SLC6A19: variants seen among roughly 807,000 people sequenced by gnomAD.
SLC6A19 encodes the protein sodium-dependent neutral amino acid transporter B(0)AT1.
Under a neutral mutation model 68.3 loss-of-function variants are expected in SLC6A19, and 67 were observed. That is an observed-to-expected ratio of 0.98 (90% CI 0.81 to 1.20). The LOEUF is 1.20. Ranked by LOEUF, SLC6A19 falls within the 50% of genes most tolerant of loss-of-function variation. SLC6A19 has a pLI of 0.00. For missense variants in SLC6A19, 813 were observed against 851.6 expected (o/e 0.95, Z 0.56); for synonymous variants, 392 against 374.9 (o/e 1.05, Z -0.53).
In SLC6A19 at chr5:1,209,725, T is replaced by C. The variant is rs935601746; in HGVS notation, c.344-719T>C. Among the ~76,000 whole-genome samples, 50 of 151,234 alleles carry C rather than the reference T, an allele frequency of 3.3e-4. No homozygotes were observed. The highest frequency in any genetic ancestry group is 1.1e-3 in the African/African-American group (45 of 41,206). On this transcript the variant is annotated intron_variant, in intron 2 of 11. Transcript: ENST00000304460. The surrounding 1 kb of genome is among the most constrained non-coding windows in gnomAD (Gnocchi z 5.5). The stretch of plus-strand genomic sequence containing the variant: ...CTCTCCCTCTCAGTCTCTGTCTTTT[T>C]TTCTTTCCCCCTCCTATTCTCTCTG...
At chr5:1,207,993 G>A (rs1745903458) in intron 1 of SLC6A19, among the ~76,000 whole-genome samples, 1 of 152,212 alleles carries the variant, frequency 6.6e-6, no homozygotes, top group African/African-American at 2.4e-5. Flanking sequence ...CACAGCAGAA[G>A]CAGAAATGTC....
chr5:1,213,388 G>A (rs1422591685), intron 4 of SLC6A19, 75 bp from the exon 5 acceptor site: 3 of 53,996 alleles, frequency 5.6e-5, no homozygotes, highest in East Asian at 2.7e-3. Context: ...CATATGCCCC[G>A]CCCCCACGTG....
chr5:1,207,722 G>A (rs543761710), intron 1 of SLC6A19, among the ~76,000 whole-genome samples: 4 of 152,270 alleles, frequency 2.6e-5, no homozygotes, highest in South Asian at 2.1e-4. Flanking sequence ...AACACTAAAC[G>A]TGGCCCTCGG....
intron 5 of SLC6A19, 110 bp from the exon 6 acceptor site, chr5:1,213,843 C>T: frequency 6.4e-7 from 1 of 1,564,516 alleles, no homozygotes; most frequent in Non-Finnish European, 8.7e-7. Flanking sequence ...CTGGCCTGTC[C>T]TGACCACCCC....
chr5:1,213,104 G>A (rs939522449), intron 4 of SLC6A19, among the ~76,000 whole-genome samples: 30 of 59,710 alleles, frequency 5.0e-4, no homozygotes, highest in African/African-American at 1.9e-3. Flanking sequence ...TCGGCCCCCC[G>A]TCGCCCTGGG....
Position 1,215,487 on chromosome 5 carries a change from G to T in SLC6A19, c.888-1071G>T, listed in dbSNP as rs370838511. ...TGTGCCTAGTCCGGACATTTCCTGC[G>T]AATGGGGTGGCCACATTGCCACAGC... is the stretch of plus-strand genomic sequence containing the variant. On this transcript the variant is annotated intron_variant, in intron 6 of 11. Transcript: ENST00000304460. The surrounding 1 kb of genome is among the most constrained non-coding windows in gnomAD (Gnocchi z 5.1). 6.6e-6 allele frequency among the ~76,000 whole-genome samples: 1 copy of T among 152,206 alleles called. No individual in the cohort carries two copies. The highest frequency in any genetic ancestry group is 2.4e-5 in the African/African-American group (1 of 41,454).
At position 1,218,919 on chromosome 5, in the gene SLC6A19, G is replaced by A; in HGVS notation, c.1190G>A (p.Gly397Asp). The change falls in exon 9 of 12, where the codon GGC (glycine) becomes GAC (aspartate). Residue 397 changes from glycine to aspartate, a missense_variant. Physicochemically the swap from Gly to Asp is moderately conservative, Grantham distance 94. Transcript: ENST00000304460. ...AFLSEAVEGT[G>D]LAFIVFTEAI... ...TCCGTGCAGGCCGTGGAGGGCACAG[G>A]CCTGGCCTTCATCGTCTTCACCGAG... 1 of 1,613,760 alleles carries A rather than the reference G, an allele frequency of 6.2e-7. No homozygotes were observed. Among genetic ancestry groups the A allele is most frequent in the Non-Finnish European group, 8.5e-7 (1 of 1,180,016 alleles).
At chr5:1,207,084 G>A (rs565408148) in intron 1 of SLC6A19, among the ~76,000 whole-genome samples, 7 of 152,326 alleles carry the variant, frequency 4.6e-5, no homozygotes, top group East Asian at 3.9e-4. Context: ...GGTAGGAGAC[G>A]CACTGCGCGG....
chr5:1,214,445 G>A lies in SLC6A19; in HGVS notation c.887+380G>A, dbSNP rs4975630. On this transcript the variant is annotated intron_variant, in intron 6 of 11. Coordinates refer to ENST00000304460, the MANE Select transcript of SLC6A19 (RefSeq NM_001003841.3). This position sits in a 1 kb window ranked among gnomAD's most constrained non-coding sequence, Gnocchi z 7.4. ...CGCCCCCGACGCCCTCCACGTCCCCGACCAAGGTCTGATCCTTCCACTGCC... is the reference window on the plus strand; with the variant it reads ...CGCCCCCGACGCCCTCCACGTCCCCAACCAAGGTCTGATCCTTCCACTGCC... Among the ~76,000 whole-genome samples, 24,174 of 152,060 alleles carry A rather than the reference G, an allele frequency of 0.16. 2,092 individuals carry two copies. The highest frequency in any genetic ancestry group is 0.18 in the Non-Finnish European group (12,223 of 67,948).
chr5:1,221,484 C>T (rs1371290050), intron 11 of SLC6A19, among the ~76,000 whole-genome samples, 171 bp downstream of exon 11: 2 of 152,130 alleles, frequency 1.3e-5, no homozygotes, highest in Non-Finnish European at 2.9e-5. Context: ...CTTGCTGGTT[C>T]CCCCCTCCCT....
At position 1,210,493 on chromosome 5, in the gene SLC6A19, C is replaced by T. The variant is rs374288423; in HGVS notation, c.393C>T (p.Thr131=). The stretch of plus-strand genomic sequence containing the variant: ...TCATGGTGGGACTGTATTACAACAC[C>T]ATCATCTCCTGGATCATGTGGTACT... ...TSFMVGLYYN[T]IISWIMWYLF... is the part of the protein sequence containing the mutation. The change falls in exon 3 of 12, where the codon ACC becomes ACT. Residue 131 remains threonine (T), a synonymous_variant. Transcript: ENST00000304460. 1.9e-6 allele frequency: 3 copies of T among 1,613,520 alleles called. No homozygotes were observed. The Middle Eastern group carries it at 4.9e-4, about 266-fold the overall frequency.
intron 4 of SLC6A19, among the ~76,000 whole-genome samples, chr5:1,213,103 C>T (rs577092006): frequency 1.6e-4 from 23 of 141,468 alleles, no homozygotes; most frequent in African/African-American, 4.8e-4. Context: ...CTCGGCCCCC[C>T]GTCGCCCTGG....
At chr5:1,217,895 C>T (rs1746251908) in intron 8 of SLC6A19, among the ~76,000 whole-genome samples, 1 of 152,354 alleles carries the variant, frequency 6.6e-6, no homozygotes, top group African/African-American at 2.4e-5. Flanking sequence ...TGCCCACCTG[C>T]CTTTTCTAGA....
rs1745946188 is a variant in SLC6A19, at chr5:1,209,136, G to A, written c.343+250G>A. Among the ~76,000 whole-genome samples, 1 of 152,154 alleles carries A rather than the reference G, an allele frequency of 6.6e-6. No individual in the cohort carries two copies. The highest frequency in any genetic ancestry group is 2.1e-4 in the South Asian group (1 of 4,826). The stretch of plus-strand genomic sequence containing the variant: ...GTCCCTGGCAGCCCAGGGCCCAGGA[G>A]GGTCCAGACACTGGACAGCAGAGTG... On this transcript the variant is annotated intron_variant, in intron 2 of 11. Transcript: ENST00000304460. This position sits in a 1 kb window ranked among gnomAD's most constrained non-coding sequence, Gnocchi z 5.5.
chr5:1,204,110 C>T (rs1010874618), intron 1 of SLC6A19, among the ~76,000 whole-genome samples: 2 of 152,216 alleles, frequency 1.3e-5, no homozygotes, highest in African/African-American at 2.4e-5. Context: ...CTAATTGATG[C>T]GGGTCATCGA....
chr5:1,208,048 C>T (rs1745905017), intron 1 of SLC6A19, among the ~76,000 whole-genome samples: 1 of 152,176 alleles, frequency 6.6e-6, no homozygotes, highest in South Asian at 2.1e-4. Context: ...TTATTGAATA[C>T]ATATATGTAA....
rs370829478 is a variant in SLC6A19 at position 1,201,876 on chromosome 5, G to A, written c.202+24G>A. The A allele has an allele frequency of 6.0e-5, 96 of 1,601,442 alleles. 1 individual carries two copies. The highest frequency in any genetic ancestry group is 3.8e-4 in the Admixed American group (23 of 59,812). ...AGGTAGGCTGGCCGGGCGGGGCTGC[G>A]GGCGAGGCCGTGGCCAGGGAAGCAC... On this transcript the variant is annotated intron_variant, in intron 1 of 11. Coordinates refer to ENST00000304460, the MANE Select transcript of SLC6A19 (RefSeq NM_001003841.3).
At chr5:1,216,999 C>T in intron 8 of SLC6A19, 54 bp downstream of exon 8, 7 of 1,609,412 alleles carry the variant, frequency 4.3e-6, no homozygotes, top group Non-Finnish European at 5.1e-6. Context: ...GCTGGCACCT[C>T]AGAGTCCGGC....
intron 8 of SLC6A19, among the ~76,000 whole-genome samples, chr5:1,217,992 C>T (rs1387647966): frequency 1.3e-5 from 2 of 151,270 alleles, no homozygotes; most frequent in African/African-American, 4.9e-5. Flanking sequence ...CCAGAGTTGG[C>T]GCCTCCATCC....
Sources: gnomAD v4.1 joint callset for allele counts (sites outside exome capture counted in the v4.1 genomes callset) on GRCh38, gnomAD v4.1.1 for gene constraint, Gnocchi (gnomAD v3.1) non-coding constraint, MANE v1.5 for transcripts, NCBI Gene and HGNC (gene_info 2026-07-23, HGNC 2026-07-21) for gene names.